The following EIF4G2 variants were observed in gnomAD, a reference collection of about 807,000 sequenced individuals.
The protein encoded by EIF4G2 is eukaryotic translation initiation factor 4 gamma 2.
A neutral mutation model predicts 117.7 loss-of-function variants in EIF4G2; 8 were observed. The ratio of observed to expected loss-of-function variants is 0.07; its 90% CI spans 0.04 to 0.12. The LOEUF (loss-of-function observed/expected upper bound fraction) is 0.12. EIF4G2 is among the 10% of genes least tolerant of loss of function. EIF4G2 has a pLI of 1.00. For missense variants in EIF4G2, 812 were observed against 1,086.2 expected (o/e 0.75, Z 3.55); for synonymous variants, 413 against 367.8 (o/e 1.12, Z -1.41).
intron 11 of EIF4G2, 149 bp downstream of exon 11, chr11:10,802,881 T>A (rs1339041738): frequency 1.5e-6 from 1 of 678,320 alleles, no homozygotes; most frequent in Non-Finnish European, 2.3e-6. Flanking sequence ...AATAAAAAAA[T>A]AAAAGTGGAA....
rs781518344 is a variant in EIF4G2 at position 10,803,123 on chromosome 11, G to A, written c.903C>T (p.Thr301=). 2.1e-5 allele frequency: 33 copies of A among 1,608,160 alleles called. No homozygotes were observed. The highest frequency in any genetic ancestry group is 3.4e-4 in the Middle Eastern group (2 of 5,832). The stretch of plus-strand genomic sequence containing the variant: ...CCCAATGGTGTTCTCGCAACTCTAC[G>A]GTATCCTTTAATTGAAAAATAATTT... Residue 301 remains threonine, a synonymous_variant, in exon 11 of 22, where the codon ACC becomes ACT. Transcript: ENST00000339995. The surrounding 1 kb of genome is among the most constrained non-coding windows in gnomAD (Gnocchi z 4.0).
chr11:10,803,606 G>A lies in EIF4G2; in HGVS notation c.703-16C>T, dbSNP rs372927230. ...TTTCCAAAAGCTACAAGAATAAAAG[G>A]CCATGGTGACAAAGTTTTAGTTACT... On this transcript the variant is annotated splice_polypyrimidine_tract_variant and intron_variant, in intron 8 of 21. Transcript: ENST00000339995. The surrounding 1 kb of genome is among the most constrained non-coding windows in gnomAD (Gnocchi z 4.0). The A allele has an allele frequency of 8.6e-5, 138 of 1,602,650 alleles. No individual in the cohort carries two copies. The highest frequency in any genetic ancestry group is 1.1e-4 in the Non-Finnish European group (126 of 1,171,402).
intron 21 of EIF4G2, 129 bp from the exon 22 acceptor site, chr11:10,798,010 A>T (rs1847306821): frequency 1.3e-6 from 1 of 788,542 alleles, no homozygotes; most frequent in East Asian, 2.6e-5. Flanking sequence ...TTTGTATATT[A>T]AGTTAACGAA....
rs79326822 is a variant in EIF4G2 at position 10,806,358 on chromosome 11, T to A, written c.108-311A>T. On this transcript the variant is annotated intron_variant, in intron 3 of 21. Coordinates refer to ENST00000339995, the MANE Select transcript of EIF4G2 (RefSeq NM_001418.4). ...ACATTTTGAAAATTAACATTTTTTT[T>A]AAGAGATGGGGTCTTGCTGTCTTGC... 2,042 of 380,172 alleles carry A rather than the reference T, an allele frequency of 5.4e-3. 41 individuals are homozygous for A. The highest frequency in any genetic ancestry group is 0.038 in the African/African-American group (1,887 of 49,546). 23.5% of individuals were successfully genotyped at this position (380,172 alleles called of 1,614,324 possible).
At chr11:10,808,145 G>A in intron 1 of EIF4G2, 1 of 1,090,674 alleles carries the variant, frequency 9.2e-7, no homozygotes, top group Non-Finnish European at 1.1e-6. Context: ...GCCCCCTCCT[G>A]CACCATAAAT....
rs1564980397 is a variant in EIF4G2, at chr11:10,799,247, G to C, written c.2502C>G (p.Leu834=). 2 of 1,614,160 alleles carry C rather than the reference G, an allele frequency of 1.2e-6. No individual in the cohort carries two copies. The highest frequency in any genetic ancestry group is 1.7e-6 in the Non-Finnish European group (2 of 1,180,038). The stretch of plus-strand genomic sequence containing the variant: ...AGTTGCTGTTATAGCAGTGCACCTG[G>C]AGAGCATACAGGGCACTGACTTGTA... Residue 834 remains leucine, a synonymous_variant, in exon 20 of 22, where the codon CTC becomes CTG. Coordinates refer to ENST00000339995, the MANE Select transcript of EIF4G2 (RefSeq NM_001418.4).
Position 10,805,945 on chromosome 11 carries a change from T to C in EIF4G2, c.210A>G (p.Glu70=). 2 of 1,614,220 alleles carry C rather than the reference T, an allele frequency of 1.2e-6. No homozygotes were observed. The highest frequency in any genetic ancestry group is 3.3e-5 in the Admixed American group (2 of 60,028). The change falls in exon 4 of 22, where the codon GAA becomes GAG. Residue 70 remains glutamate, a synonymous_variant. Transcript: ENST00000339995. ...TGAAGATTGCATCATGTCGTTCTTT[T>C]TCGTTTGCGGAGTTGTTTGCTGCGG...
rs539464330 is a variant in EIF4G2 at position 10,806,538 on chromosome 11, T to C, written c.107+282A>G. The C allele has an allele frequency of 1.7e-3, 718 of 412,668 alleles. 21 individuals are homozygous for C. The South Asian group carries it at 0.024, about 14-fold the overall frequency. The allele number at this position is 412,668 out of a possible 1,614,324, so 25.6% of individuals were successfully genotyped here. A position where few individuals can be genotyped will look rare whatever the true frequency, so the allele number is the denominator to read the frequency against. ...TGTTGAGTGCGTACTACTTTACTAA[T>C]AACAATCAGTAGGAATAATAGCTAC... is the stretch of plus-strand genomic sequence containing the variant. On this transcript the variant is annotated intron_variant, in intron 3 of 21. Coordinates refer to ENST00000339995, the MANE Select transcript of EIF4G2 (RefSeq NM_001418.4).
chr11:10,808,069 C>G, intron 1 of EIF4G2: 1 of 1,045,864 alleles, frequency 9.6e-7, no homozygotes, highest in Non-Finnish European at 1.2e-6. Context: ...CCCGCCAGCC[C>G]GGCGCCCAGC....
Position 10,804,165 on chromosome 11 carries a change from T to A in EIF4G2, c.522A>T (p.Glu174Asp), listed in dbSNP as rs1431689055. Residue 174 changes from glutamate (E) to aspartate (D), a missense_variant, in exon 7 of 22, where the codon GAA becomes GAT. Glu to Asp is a conservative substitution (Grantham distance 45). Coordinates refer to ENST00000339995, the MANE Select transcript of EIF4G2 (RefSeq NM_001418.4). Reference sequence around the variant, plus strand: ...CAACATTTCTAGTTCGGTTTTCAAATTCATCTTGTAATTTGGAAATTAGGA... The same window carrying A: ...CAACATTTCTAGTTCGGTTTTCAAAATCATCTTGTAATTTGGAAATTAGGA... The A allele has an allele frequency of 6.2e-7, 1 of 1,614,116 alleles. No homozygotes were observed. The highest frequency in any genetic ancestry group is 8.5e-7 in the Non-Finnish European group (1 of 1,180,050).
chr11:10,803,553 A>C lies in EIF4G2; in HGVS notation c.740T>G (p.Met247Arg), dbSNP rs771110613. Residue 247 changes from methionine to arginine, a missense_variant, in exon 9 of 22, where the codon ATG (methionine) becomes AGG (arginine). By Grantham distance (91) the Met-to-Arg change is moderately conservative. Coordinates refer to ENST00000339995, the MANE Select transcript of EIF4G2 (RefSeq NM_001418.4). The surrounding 1 kb of genome is among the most constrained non-coding windows in gnomAD (Gnocchi z 4.0). ...ACAGAGGCACTCCAAATCCTCTCCC[A>C]TATCTTTGAGTTGGACTCTCTTCTT... is the stretch of plus-strand genomic sequence containing the variant. 6.2e-7 allele frequency: 1 copy of C among 1,614,060 alleles called. No homozygotes were observed. The highest frequency in any genetic ancestry group is 8.5e-7 in the Non-Finnish European group (1 of 1,180,014).
chr11:10,804,472 T>G, intron 5 of EIF4G2, 54 bp from the exon 6 acceptor site: 1 of 1,523,680 alleles, frequency 6.6e-7, no homozygotes, highest in Middle Eastern at 1.8e-4. Context: ...CAAGAACCCT[T>G]CCTTTAGGAA....
intron 14 of EIF4G2, 144 bp downstream of exon 14, chr11:10,801,517 A>T: frequency 1.2e-6 from 1 of 850,310 alleles, no homozygotes; most frequent in Middle Eastern, 2.2e-4. Flanking sequence ...ACATTCAAAG[A>T]AAGAAAAAGA....
intron 1 of EIF4G2, chr11:10,807,986 G>A (rs1035343532): frequency 3.4e-5 from 35 of 1,038,938 alleles, no homozygotes; most frequent in Admixed American, 1.8e-4. Flanking sequence ...CCAGGCGCAA[G>A]TTAGGGAAGT....
At chr11:10,798,362 C>T (rs927671635) in intron 21 of EIF4G2, among the ~76,000 whole-genome samples, 2 of 151,928 alleles carry the variant, frequency 1.3e-5, no homozygotes, top group African/African-American at 4.8e-5. Flanking sequence ...TCAGAAACAT[C>T]TCCTCTTTTT....
At chr11:10,808,549 C>G in intron 1 of EIF4G2, 156 bp downstream of exon 1, 1 of 1,125,570 alleles carries the variant, frequency 8.9e-7, no homozygotes, top group Non-Finnish European at 1.1e-6. Flanking sequence ...AAAGCCAAGA[C>G]TTTCCAGGTA....
intron 2 of EIF4G2, 129 bp downstream of exon 2, chr11:10,807,126 C>T: frequency 1.5e-6 from 2 of 1,371,694 alleles, no homozygotes; most frequent in South Asian, 1.4e-5. Context: ...TCTTAGAAGG[C>T]TGTCAATGAA....
At chr11:10,804,798 C>G (rs1847516331) in intron 5 of EIF4G2, 115 bp downstream of exon 5, 1 of 801,908 alleles carries the variant, frequency 1.2e-6, no homozygotes, top group African/African-American at 1.7e-5. Flanking sequence ...AAATACATAC[C>G]TATCTAACTC....
chr11:10,798,382 T>C (rs760428440), intron 21 of EIF4G2, among the ~76,000 whole-genome samples: 8 of 152,170 alleles, frequency 5.3e-5, no homozygotes, highest in East Asian at 1.9e-4. Flanking sequence ...TAGAAAAATA[T>C]ATAGTATTTA....
Sources: allele counts gnomAD v4.1 joint callset (sites outside exome capture counted in the v4.1 genomes callset), GRCh38; gene constraint gnomAD v4.1.1; non-coding constraint Gnocchi (gnomAD v3.1); transcripts MANE v1.5; gene names NCBI Gene and HGNC (gene_info 2026-07-23, HGNC 2026-07-21).